The following PDIA4 variants were observed in gnomAD, a reference collection of about 807,000 sequenced individuals.
The protein encoded by PDIA4 is protein disulfide isomerase family A member 4.
A neutral mutation model predicts 62.1 loss-of-function variants in PDIA4; 33 were observed. The observed-to-expected ratio is 0.53, with a 90% CI of 0.40 to 0.71. The LOEUF is 0.71. Ranked by LOEUF, PDIA4 falls within the 30% of genes least tolerant of loss-of-function variation. The probability of loss-of-function intolerance (pLI) is 0.00; values close to 1 mark genes in which losing one functional copy is unlikely to be tolerated. For synonymous variants in PDIA4, 341 were observed against 324.1 expected (o/e 1.05, Z -0.56); for missense variants, 804 against 813.6 (o/e 0.99, Z 0.14).
intron 7 of PDIA4, among the ~76,000 whole-genome samples, chr7:149,007,259 C>G (rs964265720): frequency 1.3e-5 from 2 of 152,144 alleles, no homozygotes; most frequent in African/African-American, 4.8e-5. Context: ...TGGTTCTCTC[C>G]AAGGTACTGC....
chr7:149,012,937 C>T (rs971688837), intron 4 of PDIA4, among the ~76,000 whole-genome samples: 3 of 152,114 alleles, frequency 2.0e-5, no homozygotes, highest in East Asian at 1.9e-4. Flanking sequence ...GTCAGTATTG[C>T]GTCACACAGC....
chr7:149,007,995 G>A (rs1473643855), intron 7 of PDIA4, among the ~76,000 whole-genome samples, 164 bp downstream of exon 7: 2 of 152,250 alleles, frequency 1.3e-5, no homozygotes, highest in Non-Finnish European at 2.9e-5. Flanking sequence ...ACCACAGGCC[G>A]CCTGCAGAAA....
intron 7 of PDIA4, among the ~76,000 whole-genome samples, chr7:149,007,291 G>A (rs866521177): frequency 4.6e-5 from 7 of 152,104 alleles, no homozygotes; most frequent in African/African-American, 1.4e-4. Context: ...GCAGGCCCCC[G>A]GGATTCCTGT....
intron 4 of PDIA4, among the ~76,000 whole-genome samples, chr7:149,012,629 G>A (rs1372928808): frequency 2.0e-5 from 3 of 152,252 alleles, no homozygotes; most frequent in East Asian, 1.9e-4. Context: ...TAGTAACTGC[G>A]GCACAGGGGA....
chr7:149,015,154 A>T (rs1824084499), intron 3 of PDIA4, 112 bp from the exon 4 acceptor site: 4 of 1,072,216 alleles, frequency 3.7e-6, no homozygotes, highest in Non-Finnish European at 5.4e-6. Context: ...GGCCCACAAG[A>T]ACAGGAGGTG....
rs775041988 is a variant in PDIA4 at position 149,005,420 on chromosome 7, G to C, written c.1289-46C>G. 6 of 1,266,330 alleles carry C rather than the reference G, an allele frequency of 4.7e-6. No homozygotes were observed. The South Asian group carries it at 4.8e-5, about 10-fold the overall frequency. 78.4% of individuals were successfully genotyped at this position (1,266,330 alleles called of 1,614,324 possible). A position where few individuals can be genotyped will look rare whatever the true frequency, so the allele number is the denominator to read the frequency against. On this transcript the variant is annotated intron_variant, in intron 8 of 9. Transcript: ENST00000652332. Reference sequence around the variant, plus strand: ...TAAGCCAGGCGGCCACACAGAGCAAGTCCCAGCTCAGACTCTGAGGTCAGG... The same window carrying C: ...TAAGCCAGGCGGCCACACAGAGCAACTCCCAGCTCAGACTCTGAGGTCAGG...
intron 4 of PDIA4, 70 bp from the exon 5 acceptor site, chr7:149,012,430 C>CAG: frequency 7.5e-7 from 1 of 1,341,252 alleles, no homozygotes; most frequent in Non-Finnish European, 1.1e-6. Flanking sequence ...AAATGAGCTG[C>CAG]AGAAACCCAT....
Position 149,004,051 on chromosome 7 carries a change from G to C in PDIA4, c.1681C>G (p.Leu561Val). Residue 561 changes from leucine (L) to valine (V), a missense_variant, in exon 10 of 10, where the codon CTA (leucine) becomes GTA (valine). By Grantham distance (32) the Leu-to-Val change is conservative (BLOSUM62 1). Transcript: ENST00000652332. ...YAPWCGHCKQ[L>V]EPVYNSLAKK... ...GCCAGGCTGTTGTACACGGGCTCTA[G>C]CTGCTTGCAGTGCCCGCACCATGGC... 1 of 1,614,202 alleles carries C rather than the reference G, an allele frequency of 6.2e-7. No homozygotes were observed. Among genetic ancestry groups the C allele is most frequent in the East Asian group, 2.2e-5 (1 of 44,882 alleles).
At position 149,027,868 on chromosome 7, in the gene PDIA4, C is replaced by T. The variant is rs763103118; in HGVS notation, c.88+453G>A. ...ACAGACCACATTTTGAAAAGGAATG[C>T]TTGCTGTTCCAAAGAACTCGCACTT... On this transcript the variant is annotated intron_variant, in intron 1 of 9. Coordinates refer to ENST00000652332, the MANE Select transcript of PDIA4 (RefSeq NM_004911.5). 5 of 475,196 alleles carry T rather than the reference C, an allele frequency of 1.1e-5. 1 individual carries two copies. The highest frequency in any genetic ancestry group is 7.7e-5 in the South Asian group (5 of 64,608). The allele number at this position is 475,196 out of a possible 1,614,324, so 29.4% of individuals were successfully genotyped here. A position where few individuals can be genotyped will look rare whatever the true frequency, so the allele number is the denominator to read the frequency against.
intron 4 of PDIA4, among the ~76,000 whole-genome samples, chr7:149,013,203 G>A (rs1177205434): frequency 1.3e-5 from 2 of 152,006 alleles, no homozygotes; most frequent in African/African-American, 2.4e-5. Context: ...AGCCAAGATC[G>A]CACCACTGCA....
chr7:149,015,794 T>G (rs1033534593), intron 3 of PDIA4, among the ~76,000 whole-genome samples: 1 of 152,252 alleles, frequency 6.6e-6, no homozygotes, highest in African/African-American at 2.4e-5. Flanking sequence ...CACAAGCACC[T>G]CCTCTGCGCA....
At chr7:149,027,897 T>G (rs923438528) in intron 1 of PDIA4, 2 of 482,032 alleles carry the variant, frequency 4.1e-6, no homozygotes, top group Admixed American at 4.7e-5. Flanking sequence ...CGCACTTGTT[T>G]CTTCACGCCC....
At chr7:149,010,437 T>C (rs959590808) in intron 6 of PDIA4, among the ~76,000 whole-genome samples, 1 of 151,512 alleles carries the variant, frequency 6.6e-6, no homozygotes, top group African/African-American at 2.4e-5. Flanking sequence ...AAGGCTGCAG[T>C]GAGTCGAGAT....
intron 6 of PDIA4, among the ~76,000 whole-genome samples, chr7:149,009,322 G>A (rs1002696758): frequency 3.9e-5 from 6 of 152,150 alleles, no homozygotes; most frequent in East Asian, 1.9e-4. Flanking sequence ...AAAAAACCCC[G>A]GAAAAGTTCA....
At chr7:149,017,159 C>T (rs760534920) in intron 3 of PDIA4, among the ~76,000 whole-genome samples, 1 of 152,024 alleles carries the variant, frequency 6.6e-6, no homozygotes, top group Non-Finnish European at 1.5e-5. Flanking sequence ...GCCTATTCAA[C>T]GCTCTTTCCT....
At position 149,003,730 on chromosome 7, in the gene PDIA4, GA is replaced by G; in HGVS notation, c.*63del. 7.7e-7 allele frequency: 1 copy of G among 1,302,902 alleles called. No homozygotes were observed. Among genetic ancestry groups the G allele is most frequent in the African/African-American group, 1.5e-5 (1 of 65,736 alleles). 80.7% of individuals were successfully genotyped at this position (1,302,902 alleles called of 1,614,324 possible). A position where few individuals can be genotyped will look rare whatever the true frequency, so the allele number is the denominator to read the frequency against. On this transcript the variant is annotated 3_prime_UTR_variant, in exon 10 of 10. Coordinates refer to ENST00000652332, the MANE Select transcript of PDIA4 (RefSeq NM_004911.5). Reference sequence around the variant, plus strand: ...GTCGTTTGTTGCCGGCCTCGGCGTGGACGCCCCGACCATGGGCCACGCAGGG... The same window carrying G: ...GTCGTTTGTTGCCGGCCTCGGCGTGGCGCCCCGACCATGGGCCACGCAGGG...
chr7:149,025,497 G>GT (rs1334458045), intron 1 of PDIA4, among the ~76,000 whole-genome samples: 3 of 152,160 alleles, frequency 2.0e-5, no homozygotes, highest in African/African-American at 7.2e-5. Context: ...GGTATTTATT[G>GT]TATGTACCAG....
Position 149,010,488 on chromosome 7 carries a change from C to T in PDIA4, c.979+1358G>A, listed in dbSNP as rs144951173. ...CAGCCTGGGCAATCAGAGTGAGATC[C>T]GGTCTCAAAATAAATAAATAAGGCT... is the stretch of plus-strand genomic sequence containing the variant. On this transcript the variant is annotated intron_variant, in intron 6 of 9. Transcript: ENST00000652332. Among the ~76,000 whole-genome samples the T allele has an allele frequency of 3.3e-5, 5 of 152,132 alleles. No individual in the cohort carries two copies. The East Asian group carries it at 5.8e-4, about 18-fold the overall frequency.
chr7:149,005,426 G>T, intron 8 of PDIA4, 52 bp from the exon 9 acceptor site: 1 of 1,182,308 alleles, frequency 8.5e-7, no homozygotes, highest in Non-Finnish European at 1.3e-6. Flanking sequence ...GCAAGTCCCA[G>T]CTCAGACTCT....
Sources: gnomAD v4.1 joint callset for allele counts (sites outside exome capture counted in the v4.1 genomes callset) on GRCh38, gnomAD v4.1.1 for gene constraint, MANE v1.5 for transcripts, NCBI Gene and HGNC (gene_info 2026-07-23, HGNC 2026-07-21) for gene names.